Variants in SLC25A17 observed in about 807,000 individuals in gnomAD.
The protein encoded by SLC25A17 is peroxisomal membrane protein PMP34.
A neutral mutation model predicts 38.5 loss-of-function variants in SLC25A17; 26 were observed. The ratio of observed to expected loss-of-function variants is 0.68; its 90% confidence interval spans 0.50 to 0.94. The LOEUF is 0.94. Ranked by LOEUF, SLC25A17 falls within the 40% of genes least tolerant of loss-of-function variation. The pLI is 0.00. For missense variants in SLC25A17, 333 were observed against 372.7 expected, an observed-to-expected ratio of 0.89 and a Z score of 0.88; for synonymous variants, 139 against 136.2, an observed-to-expected ratio of 1.02 and a Z score of -0.14.
In SLC25A17 at chr22:40,770,844, T is replaced by C; in HGVS notation, c.914A>G (p.His305Arg). 1 of 1,610,230 alleles carries C rather than the reference T, an allele frequency of 6.2e-7. No homozygotes were observed. The highest frequency in any genetic ancestry group is 8.5e-7 in the Non-Finnish European group (1 of 1,177,584). The stretch of plus-strand genomic sequence containing the variant: ...TCATGGGAAGGCGTCTCAGTGTTGG[T>C]GTGCACGCTTCAGCCCCATAACTGT... ...TFTVMGLKRA[H>R]QH is the part of the protein sequence containing the mutation. Residue 305 changes from histidine (H) to arginine (R), a missense_variant, in exon 9 of 9, where the codon CAC (histidine) becomes CGC (arginine). Physicochemically the swap from His to Arg is conservative, Grantham distance 29. Coordinates refer to ENST00000435456, the MANE Select transcript of SLC25A17 (RefSeq NM_006358.4).
intron 1 of SLC25A17, among the ~76,000 whole-genome samples, chr22:40,801,154 T>C (rs1366527154): frequency 7.5e-6 from 1 of 132,876 alleles, no homozygotes; most frequent in East Asian, 2.0e-4. Flanking sequence ...TATATATATA[T>C]ATATATATAT....
In SLC25A17 at chr22:40,807,721, A is replaced by C. The variant is rs6002158; in HGVS notation, c.55-8638T>G. Reference sequence around the variant, plus strand: ...CCGAGATCGCGCCACTGCACTCCAGACTGGGTGACAGAGCAAGACTCCATC... The same window carrying C: ...CCGAGATCGCGCCACTGCACTCCAGCCTGGGTGACAGAGCAAGACTCCATC... On this transcript the variant is annotated intron_variant, in intron 1 of 8. Coordinates refer to ENST00000435456, the MANE Select transcript of SLC25A17 (RefSeq NM_006358.4). Among the ~76,000 whole-genome samples the C allele has an allele frequency of 3.6e-3, 545 of 152,124 alleles. 5 individuals carry two copies. The highest frequency in any genetic ancestry group is 0.013 in the African/African-American group (525 of 41,504).
chr22:40,809,829 C>A (rs558103824), intron 1 of SLC25A17, among the ~76,000 whole-genome samples: 206 of 152,176 alleles, frequency 1.4e-3, no homozygotes, highest in African/African-American at 4.8e-3. Context: ...TAACAAACTT[C>A]ATTATTATAT....
chr22:40,785,457 A>G (rs1324451505), intron 4 of SLC25A17, among the ~76,000 whole-genome samples: 1 of 152,252 alleles, frequency 6.6e-6, no homozygotes, highest in East Asian at 1.9e-4. Flanking sequence ...CCATTTGGGA[A>G]AAACCTAAAA....
At position 40,770,852 on chromosome 22, in the gene SLC25A17, C is replaced by A. The variant is rs748469207; in HGVS notation, c.906G>T (p.Lys302Asn). ...TAATFTVMGL[K>N]RAHQH ...AGGCGTCTCAGTGTTGGTGTGCACG[C>A]TTCAGCCCCATAACTGTGAAGGTGG... is the stretch of plus-strand genomic sequence containing the variant. The change falls in exon 9 of 9, where the codon AAG becomes AAT. Residue 302 changes from lysine to asparagine, a missense_variant. Coordinates refer to ENST00000435456, the MANE Select transcript of SLC25A17 (RefSeq NM_006358.4). The A allele has an allele frequency of 1.9e-6, 3 of 1,612,932 alleles. No homozygotes were observed. Among genetic ancestry groups the A allele is most frequent in the Non-Finnish European group, 2.5e-6 (3 of 1,179,160 alleles).
chr22:40,788,888 G>T, intron 4 of SLC25A17: 1 of 259,846 alleles, frequency 3.8e-6, no homozygotes, highest in South Asian at 5.6e-5. Flanking sequence ...AAATCACCTT[G>T]AATTGCTGAA....
chr22:40,789,456 C>A lies in SLC25A17; in HGVS notation c.334+3069G>T, dbSNP rs1464173260. 1.3e-5 allele frequency among the ~76,000 whole-genome samples: 2 copies of A among 152,048 alleles called. No homozygotes were observed. The highest frequency in any genetic ancestry group is 2.4e-5 in the African/African-American group (1 of 41,404). The stretch of plus-strand genomic sequence containing the variant: ...CGACTCAGGAGCTGGGTCTCCCAAC[C>A]ATTTTCATTTTCTTTCTTTCCTTCT... On this transcript the variant is annotated intron_variant, in intron 4 of 8. Coordinates refer to ENST00000435456, the MANE Select transcript of SLC25A17 (RefSeq NM_006358.4). The surrounding 1 kb of genome is among the most constrained non-coding windows in gnomAD (Gnocchi z 4.5).
intron 5 of SLC25A17, among the ~76,000 whole-genome samples, chr22:40,778,644 T>C (rs991288782): frequency 2.0e-5 from 3 of 152,236 alleles, no homozygotes; most frequent in Non-Finnish European, 2.9e-5. Flanking sequence ...TGTATATATG[T>C]GCCATGTCGG....
At chr22:40,773,835 C>T in intron 8 of SLC25A17, 102 bp downstream of exon 8, 1 of 837,452 alleles carries the variant, frequency 1.2e-6, no homozygotes, top group Non-Finnish European at 2.1e-6. Flanking sequence ...TTGGAGGTTG[C>T]CACCACCAAG....
chr22:40,776,002 A>G (rs1202565663), intron 7 of SLC25A17, among the ~76,000 whole-genome samples: 1 of 152,182 alleles, frequency 6.6e-6, no homozygotes, highest in African/African-American at 2.4e-5. Context: ...CCTGGAATGC[A>G]CTTTCGTCCA....
In SLC25A17 at chr22:40,803,820, GTT is replaced by G. The variant is rs772323398; in HGVS notation, c.55-4739_55-4738del. ...TCCTCACCAGCATTTGCTAGTTTTT[GTT>G]TTTTTTTTTTTTTTAATGGCTAAGT... On this transcript the variant is annotated intron_variant, in intron 1 of 8. Transcript: ENST00000435456. Among the ~76,000 whole-genome samples the G allele has an allele frequency of 4.5e-3, 531 of 117,396 alleles. 5 individuals carry two copies. Among genetic ancestry groups the G allele is most frequent in the African/African-American group, 0.016 (498 of 32,088 alleles). The allele number at this position is 117,396 out of a possible 152,430, so 77.0% of individuals were successfully genotyped here. A position where few individuals can be genotyped will look rare whatever the true frequency, so the allele number is the denominator to read the frequency against.
chr22:40,816,931 C>CT (rs1339778855), intron 1 of SLC25A17, among the ~76,000 whole-genome samples: 3 of 152,016 alleles, frequency 2.0e-5, no homozygotes, highest in Non-Finnish European at 4.4e-5. Context: ...TTGTCTGACT[C>CT]CCCTATTGCA....
chr22:40,781,420 T>C (rs896422869), intron 4 of SLC25A17, among the ~76,000 whole-genome samples: 1 of 152,064 alleles, frequency 6.6e-6, no homozygotes, highest in Non-Finnish European at 1.5e-5. Flanking sequence ...TAATTTTTTG[T>C]ATTTTTAGTA....
chr22:40,800,902 T>C (rs896947774), intron 1 of SLC25A17, among the ~76,000 whole-genome samples: 7 of 151,420 alleles, frequency 4.6e-5, no homozygotes, highest in Admixed American at 1.3e-4. Flanking sequence ...AGGAGTTTGA[T>C]ACCACCCTGA....
chr22:40,774,769 TC>T (rs2057223798), intron 7 of SLC25A17, among the ~76,000 whole-genome samples: 1 of 152,234 alleles, frequency 6.6e-6, no homozygotes, highest in Non-Finnish European at 1.5e-5. Flanking sequence ...GCTACTGAAT[TC>T]CCTTATGTTA....
chr22:40,790,072 G>A (rs1456349801), intron 4 of SLC25A17, among the ~76,000 whole-genome samples: 1 of 150,390 alleles, frequency 6.6e-6, no homozygotes, highest in Non-Finnish European at 1.5e-5. Context: ...GGGCGCGGTG[G>A]CTCACGCCTG....
intron 5 of SLC25A17, among the ~76,000 whole-genome samples, chr22:40,778,406 A>C (rs2057265148): frequency 6.6e-6 from 1 of 152,112 alleles, no homozygotes; most frequent in Non-Finnish European, 1.5e-5. Flanking sequence ...TCACAATGAG[A>C]ATATGCTCAT....
intron 7 of SLC25A17, 49 bp downstream of exon 7, chr22:40,776,991 T>G (rs770894453): frequency 1.5e-5 from 22 of 1,427,520 alleles, no homozygotes; most frequent in Admixed American, 3.4e-5. Context: ...AGAGACTACA[T>G]GTATTCGAAT....
chr22:40,806,285 C>CT (rs2057529443), intron 1 of SLC25A17, among the ~76,000 whole-genome samples: 1 of 152,140 alleles, frequency 6.6e-6, no homozygotes, highest in African/African-American at 2.4e-5. Flanking sequence ...GTATGGATTT[C>CT]TTTTAGGCTT....
Sources: allele counts gnomAD v4.1 joint callset (sites outside exome capture counted in the v4.1 genomes callset), GRCh38; gene constraint gnomAD v4.1.1; non-coding constraint Gnocchi (gnomAD v3.1); transcripts MANE v1.5; gene names NCBI Gene and HGNC (gene_info 2026-07-23, HGNC 2026-07-21).